ZNF892: variants seen among roughly 807,000 people sequenced by gnomAD.
ZNF892 encodes zinc finger protein 892.
At chr2:95,221,438 T>A in the ZNF892 span, among the ~76,000 whole-genome samples, 168 of 152,332 alleles carry the variant, frequency 1.1e-3, 1 homozygote, top group East Asian at 0.03. Context: ...ACTTCTGGGA[T>A]GCAATTTCGT....
chr2:95,219,075 T>C, the ZNF892 span, among the ~76,000 whole-genome samples: 1 of 152,106 alleles, frequency 6.6e-6, no homozygotes, highest in Non-Finnish European at 1.5e-5. Context: ...TTCAGCTAAC[T>C]GCAAGCTCCA....
the ZNF892 span, among the ~76,000 whole-genome samples, chr2:95,252,907 T>C: frequency 6.6e-6 from 1 of 152,248 alleles, no homozygotes. Context: ...TCTGCTCATA[T>C]CCTTCGCCCA....
chr2:95,208,885 C>G, the ZNF892 span: 1 of 395,108 alleles, frequency 2.5e-6, no homozygotes. Flanking sequence ...AGGAAGTGTT[C>G]TTCAGTTGTG....
chr2:95,219,413 G>A, the ZNF892 span, among the ~76,000 whole-genome samples: 1 of 152,066 alleles, frequency 6.6e-6, no homozygotes, highest in African/African-American at 2.4e-5. Flanking sequence ...GTATTTTTCA[G>A]TTCCATTTGA....
At chr2:95,224,097 G>A in the ZNF892 span, among the ~76,000 whole-genome samples, 1 of 152,186 alleles carries the variant, frequency 6.6e-6, no homozygotes, top group African/African-American at 2.4e-5. Flanking sequence ...TCATTATGCT[G>A]GTGCCTTGGA....
the ZNF892 span, among the ~76,000 whole-genome samples, chr2:95,253,657 C>T: frequency 6.6e-6 from 1 of 152,156 alleles, no homozygotes; most frequent in African/African-American, 2.4e-5. Flanking sequence ...GGCATTGAAT[C>T]TATAAATTAC....
chr2:95,215,366 T>G, the ZNF892 span: 1 of 458,868 alleles, frequency 2.2e-6, no homozygotes, highest in Non-Finnish European at 3.9e-6. Flanking sequence ...GAGAGAAACC[T>G]TACAAATGTA....
chr2:95,234,034 G>GT, the ZNF892 span, among the ~76,000 whole-genome samples: 13 of 151,984 alleles, frequency 8.6e-5, no homozygotes, highest in African/African-American at 2.4e-5. Flanking sequence ...GTCTTTTTTT[G>GT]TTTTTTGAGA....
the ZNF892 span, among the ~76,000 whole-genome samples, chr2:95,258,760 G>A: frequency 6.6e-6 from 1 of 152,064 alleles, no homozygotes; most frequent in Non-Finnish European, 1.5e-5. Flanking sequence ...AGAGCAAATG[G>A]GGCATCTTAA....
chr2:95,215,750 T>C, the ZNF892 span: 1 of 396,904 alleles, frequency 2.5e-6, no homozygotes, highest in Non-Finnish European at 4.4e-6. Flanking sequence ...GATTAGACTG[T>C]GAAAGTATAG....
the ZNF892 span, chr2:95,208,721 G>A: frequency 2.5e-6 from 1 of 398,514 alleles, no homozygotes; most frequent in East Asian, 3.6e-5. Flanking sequence ...CTGTGCTGCT[G>A]ACCCCTGGGT....
At chr2:95,256,385 T>C in the ZNF892 span, among the ~76,000 whole-genome samples, 30 of 152,240 alleles carry the variant, frequency 2.0e-4, no homozygotes, top group Non-Finnish European at 3.7e-4. Flanking sequence ...TCTTTAAGAA[T>C]GTTGAATATT....
At chr2:95,232,725 T>C in the ZNF892 span, among the ~76,000 whole-genome samples, 1 of 152,232 alleles carries the variant, frequency 6.6e-6, no homozygotes, top group Non-Finnish European at 1.5e-5. Context: ...AGGAAAAGGA[T>C]TCTATTTTAT....
At chr2:95,253,487 C>T in the ZNF892 span, among the ~76,000 whole-genome samples, 1 of 152,138 alleles carries the variant, frequency 6.6e-6, no homozygotes, top group East Asian at 1.9e-4. Context: ...GTTACTGTAG[C>T]CTTGTAGTAT....
At chr2:95,215,033 T>G in the ZNF892 span, 2 of 514,304 alleles carry the variant, frequency 3.9e-6, no homozygotes, top group African/African-American at 2.0e-5. Flanking sequence ...AGAAACCTTA[T>G]GAGTGTAATG....
chr2:95,253,840 C>G, the ZNF892 span, among the ~76,000 whole-genome samples: 224 of 152,244 alleles, frequency 1.5e-3, no homozygotes, highest in Non-Finnish European at 2.1e-3. Flanking sequence ...TATTCTCTTT[C>G]AAGCAATTGT....
the ZNF892 span, among the ~76,000 whole-genome samples, chr2:95,235,555 G>T: frequency 6.6e-6 from 1 of 152,124 alleles, no homozygotes; most frequent in Non-Finnish European, 1.5e-5. Context: ...TAGAGACAGG[G>T]TTTTACCATG....
the ZNF892 span, among the ~76,000 whole-genome samples, chr2:95,243,857 T>G: frequency 1.3e-5 from 2 of 152,086 alleles, no homozygotes; most frequent in Non-Finnish European, 2.9e-5. Context: ...AACAGCTCAT[T>G]GAGAACGGGC....
At chr2:95,252,144 T>C in the ZNF892 span, among the ~76,000 whole-genome samples, 29 of 152,294 alleles carry the variant, frequency 1.9e-4, no homozygotes, top group Middle Eastern at 6.8e-3. Context: ...TGCAGGTTTG[T>C]TACATATGTA....
Sources: gnomAD v4.1 joint callset for allele counts (sites outside exome capture counted in the v4.1 genomes callset) on GRCh38, gnomAD v4.1.1 for gene constraint, MANE v1.5 for transcripts, NCBI Gene and HGNC (gene_info 2026-07-23, HGNC 2026-07-21) for gene names.